The following TPO variants were observed in gnomAD, a reference collection of about 807,000 sequenced individuals.
TPO encodes thyroid peroxidase.
A neutral mutation model predicts 96.9 loss-of-function variants in TPO; 78 were observed. The observed-to-expected ratio is 0.81, with a 90% confidence interval of 0.67 to 0.97. The LOEUF is 0.97. Among genes scored for constraint, TPO ranks in the 50% least tolerant of loss-of-function variants. The pLI, the probability that TPO is intolerant of heterozygous loss-of-function variation, is 0.00. For missense variants in TPO, 1,252 were observed against 1,274.8 expected (o/e 0.98, Z 0.27); for synonymous variants, 547 against 538.0 (o/e 1.02, Z -0.23).
chr2:1,501,359 G>A (rs1250869054), intron 13 of TPO, among the ~76,000 whole-genome samples: 1 of 152,208 alleles, frequency 6.6e-6, no homozygotes, highest in African/African-American at 2.4e-5. Context: ...GGGACACTGC[G>A]GCTGAGGCTG....
intron 14 of TPO, among the ~76,000 whole-genome samples, chr2:1,513,003 G>C (rs759028316): frequency 9.9e-5 from 15 of 152,244 alleles, no homozygotes; most frequent in South Asian, 2.1e-4. Context: ...CGTCCCTGAT[G>C]AAAGAGCCCT....
At chr2:1,522,930 T>TG (rs1675498393) in intron 15 of TPO, among the ~76,000 whole-genome samples, 1 of 80,878 alleles carries the variant, frequency 1.2e-5, no homozygotes, top group Non-Finnish European at 2.4e-5. Context: ...TCAAATCCCC[T>TG]CCACTCTGTG....
At chr2:1,540,502 G>A (rs1680609244) in intron 15 of TPO, 92 bp from the exon 16 acceptor site, 2 of 1,599,362 alleles carry the variant, frequency 1.3e-6, no homozygotes, top group South Asian at 1.1e-5. Flanking sequence ...AGACAAGCAC[G>A]GCTGCCTTGC....
chr2:1,453,228 C>G (rs1353024798), intron 5 of TPO, among the ~76,000 whole-genome samples: 2 of 152,354 alleles, frequency 1.3e-5, no homozygotes, highest in East Asian at 3.9e-4. Flanking sequence ...ACAAGTTCGC[C>G]TGGACAATCA....
chr2:1,440,486 G>A (rs1666057844), intron 5 of TPO, among the ~76,000 whole-genome samples: 1 of 152,218 alleles, frequency 6.6e-6, no homozygotes, highest in African/African-American at 2.4e-5. Flanking sequence ...CATTTCACCT[G>A]GACATTTTGT....
At chr2:1,461,200 C>A (rs974788072) in intron 7 of TPO, among the ~76,000 whole-genome samples, 1 of 152,146 alleles carries the variant, frequency 6.6e-6, no homozygotes, top group African/African-American at 2.4e-5. Context: ...GCACGTTCTG[C>A]TGGTATCCAG....
chr2:1,541,021 GGA>G, intron 16 of TPO: 1 of 1,347,818 alleles, frequency 7.4e-7, no homozygotes, highest in East Asian at 3.4e-5. Context: ...TGGAAGCACA[GGA>G]GAGGAAGGAG....
chr2:1,377,804 T>C (rs1237180903), intron 1 of TPO, among the ~76,000 whole-genome samples: 2 of 152,150 alleles, frequency 1.3e-5, no homozygotes, highest in Non-Finnish European at 1.5e-5. Flanking sequence ...TCACCCAGGA[T>C]GTGCTTCCTC....
chr2:1,403,273 C>A (rs1662198533), intron 1 of TPO, among the ~76,000 whole-genome samples: 1 of 152,184 alleles, frequency 6.6e-6, no homozygotes, highest in African/African-American at 2.4e-5. Flanking sequence ...AGCGGGGGCT[C>A]TGCTGGACAC....
At chr2:1,414,980 G>A (rs1662745107) in intron 2 of TPO, among the ~76,000 whole-genome samples, 2 of 152,274 alleles carry the variant, frequency 1.3e-5, no homozygotes, top group African/African-American at 2.4e-5. Context: ...TTTCACTGGA[G>A]TGAATACTGC....
chr2:1,506,576 C>A, intron 14 of TPO, among the ~76,000 whole-genome samples: 1 of 152,216 alleles, frequency 6.6e-6, no homozygotes. Context: ...GATTGTCATT[C>A]CAACTGGTGT....
chr2:1,497,590 C>T (rs1672484812), intron 13 of TPO, among the ~76,000 whole-genome samples: 1 of 152,180 alleles, frequency 6.6e-6, no homozygotes. Flanking sequence ...GTTCTGGTCT[C>T]ATGGGACAGT....
intron 15 of TPO, among the ~76,000 whole-genome samples, chr2:1,528,322 C>G (rs1379466657): frequency 7.3e-6 from 1 of 137,444 alleles, no homozygotes; most frequent in Non-Finnish European, 1.5e-5. Context: ...GCAACCTCCA[C>G]AAATCCTCCC....
At chr2:1,434,095 G>T (rs1665310545) in intron 4 of TPO, among the ~76,000 whole-genome samples, 1 of 152,138 alleles carries the variant, frequency 6.6e-6, no homozygotes, top group African/African-American at 2.4e-5. Context: ...CAGTGGCACT[G>T]CTCACTCCAA....
intron 3 of TPO, among the ~76,000 whole-genome samples, chr2:1,426,287 A>G (rs1218583417): frequency 1.5e-3 from 195 of 132,040 alleles, no homozygotes; most frequent in African/African-American, 2.8e-3. Context: ...TGCTCCTTCT[A>G]TAAAGTCATT....
upstream of TPO, among the ~76,000 whole-genome samples, chr2:1,409,932 G>C (rs900243933): frequency 1.4e-5 from 2 of 147,982 alleles, no homozygotes; most frequent in African/African-American, 5.2e-5. Flanking sequence ...GGACACCTAG[G>C]GTTACGGGGC....
chr2:1,526,128 C>T (rs1268288747), intron 15 of TPO, among the ~76,000 whole-genome samples: 1 of 98,538 alleles, frequency 1.0e-5, no homozygotes, highest in Non-Finnish European at 2.0e-5. Context: ...CTCTGTGCAA[C>T]CTCCCCCATC....
chr2:1,537,107 C>CT (rs1395221618), intron 15 of TPO, among the ~76,000 whole-genome samples: 4 of 128,148 alleles, frequency 3.1e-5, no homozygotes. Context: ...TGTGTGCAAC[C>CT]TCCCTAGATC....
chr2:1,425,931 G>A (rs1287644495), intron 3 of TPO, among the ~76,000 whole-genome samples: 11 of 113,716 alleles, frequency 9.7e-5, no homozygotes, highest in South Asian at 3.2e-4. Context: ...GGATACAGAG[G>A]TGAGTTTGAT....
Sources: gnomAD v4.1 joint callset for allele counts (sites outside exome capture counted in the v4.1 genomes callset) on GRCh38, gnomAD v4.1.1 for gene constraint, MANE v1.5 for transcripts, NCBI Gene and HGNC (gene_info 2026-07-23, HGNC 2026-07-21) for gene names.